LGR6: variants seen among roughly 807,000 people sequenced by gnomAD.
LGR6 encodes leucine-rich repeat-containing G protein-coupled receptor 6.
A neutral mutation model predicts 69.4 loss-of-function variants in LGR6; 45 were observed. The ratio of observed to expected loss-of-function variants is 0.65; its 90% confidence interval spans 0.51 to 0.83. The LOEUF (loss-of-function observed/expected upper bound fraction) is 0.83. Ranked by LOEUF, LGR6 falls within the 40% of genes least tolerant of loss-of-function variation. The pLI is 0.00. For synonymous variants in LGR6, 538 were observed against 555.0 expected (o/e 0.97, Z 0.43); for missense variants, 1,108 against 1,246.7 (o/e 0.89, Z 1.68).
At chr1:202,301,136 ATTAGGTG>A in intron 8 of LGR6, 21 bp from the exon 9 acceptor site, 1 of 1,609,216 alleles carries the variant, frequency 6.2e-7, no homozygotes, top group Non-Finnish European at 8.5e-7. Flanking sequence ...GAAAAACCCA[ATTAGGTG>A]TTTGGACCTT....
At chr1:202,253,129 C>A (rs1004795950) in intron 4 of LGR6, among the ~76,000 whole-genome samples, 4 of 152,120 alleles carry the variant, frequency 2.6e-5, no homozygotes, top group African/African-American at 9.7e-5. Context: ...ACCAGCTCTG[C>A]CATTTCTAGA....
intron 6 of LGR6, among the ~76,000 whole-genome samples, chr1:202,286,149 A>T (rs1156714229): frequency 6.6e-6 from 1 of 152,188 alleles, no homozygotes; most frequent in Admixed American, 6.5e-5. Context: ...CCCTCTTTCC[A>T]AATAAGCTCA....
chr1:202,210,195 G>A lies in LGR6; in HGVS notation c.213-15228G>A, dbSNP rs534962890. On this transcript the variant is annotated intron_variant, in intron 1 of 17. Coordinates refer to ENST00000367278, the MANE Select transcript of LGR6 (RefSeq NM_001017403.2). ...CTCCCCTCTGTGTGCCTGCCCTGCC[G>A]CAAGGCTCATTCCCTTGGGTTCAGA... Among the ~76,000 whole-genome samples, 22 of 152,244 alleles carry A rather than the reference G, an allele frequency of 1.4e-4. No homozygotes were observed. In the South Asian group the frequency reaches 1.7e-3, roughly 12 times the overall value.
chr1:202,253,158 T>G (rs1663411112), intron 4 of LGR6, among the ~76,000 whole-genome samples: 1 of 152,182 alleles, frequency 6.6e-6, no homozygotes, highest in Non-Finnish European at 1.5e-5. Flanking sequence ...CATAACCAAA[T>G]TGTCTGAACA....
intron 4 of LGR6, among the ~76,000 whole-genome samples, chr1:202,264,268 T>C (rs1173256671): frequency 6.6e-6 from 1 of 152,230 alleles, no homozygotes. Flanking sequence ...ATGGTACTTT[T>C]AGAAGTGTTA....
intron 6 of LGR6, among the ~76,000 whole-genome samples, chr1:202,282,259 G>C (rs2148187441): frequency 6.6e-6 from 1 of 152,302 alleles, no homozygotes; most frequent in South Asian, 2.1e-4. Context: ...AGTTAACTCT[G>C]GACAGTCTAG....
rs1054573918 is a variant in LGR6 at position 202,268,375 on chromosome 1, A to G, written c.429-7931A>G. On this transcript the variant is annotated intron_variant, in intron 4 of 17. Transcript: ENST00000367278. This position sits in a 1 kb window ranked among gnomAD's most constrained non-coding sequence, Gnocchi z 4.4. ...TGCCTTCCCAGGCAGGCTCTCGGTC[A>G]GGGCCGTTGGTCCCTCCAGGCAATC... Among the ~76,000 whole-genome samples, 6 of 152,072 alleles carry G rather than the reference A, an allele frequency of 3.9e-5. No individual in the cohort carries two copies. Among genetic ancestry groups the G allele is most frequent in the Non-Finnish European group, 7.4e-5 (5 of 68,016 alleles).
intron 1 of LGR6, among the ~76,000 whole-genome samples, chr1:202,207,261 T>C (rs1408070984): frequency 6.6e-6 from 1 of 152,078 alleles, no homozygotes; most frequent in African/African-American, 2.4e-5. Flanking sequence ...ACCTAGGGGC[T>C]AGGGCAGGAG....
intron 16 of LGR6, among the ~76,000 whole-genome samples, chr1:202,312,930 A>AG (rs1358674359): frequency 1.3e-5 from 2 of 152,142 alleles, no homozygotes; most frequent in African/African-American, 2.4e-5. Context: ...AAAGTGAATA[A>AG]GAAAAAAAAA....
chr1:202,318,355 C>A lies in LGR6; in HGVS notation c.2052C>A (p.Gly684=). 1 of 1,598,972 alleles carries A rather than the reference C, an allele frequency of 6.3e-7. No individual in the cohort carries two copies. ...VRAYGKSPSL[G]SVRAGVLGCL... ...CCTATGGGAAGTCCCCCTCCCTGGG[C>A]AGCGTTCGAGCAGGGGTCCTAGGCT... Residue 684 remains glycine, a synonymous_variant, in exon 18 of 18, where the codon GGC becomes GGA. Coordinates refer to ENST00000367278, the MANE Select transcript of LGR6 (RefSeq NM_001017403.2).
chr1:202,262,827 A>G (rs1003523308), intron 4 of LGR6, among the ~76,000 whole-genome samples: 1 of 152,162 alleles, frequency 6.6e-6, no homozygotes, highest in African/African-American at 2.4e-5. Context: ...TCTACTCATT[A>G]TCACCTACAA....
chr1:202,316,617 G>T (rs1654165116), intron 17 of LGR6, among the ~76,000 whole-genome samples: 1 of 152,166 alleles, frequency 6.6e-6, no homozygotes, highest in African/African-American at 2.4e-5. Flanking sequence ...TTAAAGACTG[G>T]ACGGAAGCAT....
rs942573363 is a variant in LGR6, at chr1:202,237,041, C to T, written c.428+1048C>T. On this transcript the variant is annotated intron_variant, in intron 4 of 17. Coordinates refer to ENST00000367278, the MANE Select transcript of LGR6 (RefSeq NM_001017403.2). ...TGGCTAGCAGCTGTGCCACACCCCC[C>T]GTGGTGAGGGCTTTCCTCTCCTACT... is the stretch of plus-strand genomic sequence containing the variant. 5.3e-5 allele frequency among the ~76,000 whole-genome samples: 8 copies of T among 152,180 alleles called. No homozygotes were observed. In the South Asian group the frequency reaches 6.2e-4, roughly 12 times the overall value.
intron 1 of LGR6, among the ~76,000 whole-genome samples, chr1:202,211,284 G>A (rs888354717): frequency 2.0e-5 from 3 of 152,192 alleles, no homozygotes; most frequent in Non-Finnish European, 4.4e-5. Flanking sequence ...CATAAAAACT[G>A]AGAATTATTC....
Position 202,303,264 on chromosome 1 carries a change from T to C in LGR6, c.930-15T>C. On this transcript the variant is annotated splice_polypyrimidine_tract_variant and intron_variant, in intron 9 of 17. Coordinates refer to ENST00000367278, the MANE Select transcript of LGR6 (RefSeq NM_001017403.2). ...TCTGACCCCACCCCTCAGAGCTCAT[T>C]GTCTCTATTTCCAGATCTCTGAATG... The C allele has an allele frequency of 6.2e-7, 1 of 1,606,660 alleles. No homozygotes were observed. Among genetic ancestry groups the C allele is most frequent in the Non-Finnish European group, 8.5e-7 (1 of 1,173,176 alleles).
At chr1:202,227,873 A>G in intron 2 of LGR6, 63 bp from the exon 3 acceptor site, 2 of 1,136,866 alleles carry the variant, frequency 1.8e-6, no homozygotes, top group South Asian at 1.2e-5. Context: ...ACACTTTCTT[A>G]TGGAGGTCAC....
chr1:202,246,889 C>CT (rs1486012924), intron 4 of LGR6, among the ~76,000 whole-genome samples: 1 of 152,120 alleles, frequency 6.6e-6, no homozygotes, highest in Non-Finnish European at 1.5e-5. Flanking sequence ...TCCTGTGATC[C>CT]TTTTTTTACA....
intron 1 of LGR6, among the ~76,000 whole-genome samples, chr1:202,211,415 G>A (rs1410227678): frequency 1.3e-5 from 2 of 152,180 alleles, no homozygotes; most frequent in Non-Finnish European, 2.9e-5. Flanking sequence ...GTGCAGTGGT[G>A]TGATCTTGGT....
At chr1:202,233,843 G>A (rs893660160) in intron 3 of LGR6, among the ~76,000 whole-genome samples, 25 of 152,314 alleles carry the variant, frequency 1.6e-4, no homozygotes, top group African/African-American at 5.5e-4. Flanking sequence ...AATGAGGTCA[G>A]TATCATCCCC....
Sources: gnomAD v4.1 joint callset for allele counts (sites outside exome capture counted in the v4.1 genomes callset) on GRCh38, gnomAD v4.1.1 for gene constraint, Gnocchi (gnomAD v3.1) non-coding constraint, MANE v1.5 for transcripts, NCBI Gene and HGNC (gene_info 2026-07-23, HGNC 2026-07-21) for gene names.